SMOX: variants seen among roughly 807,000 people sequenced by gnomAD.
SMOX encodes the protein spermine oxidase.
In SMOX, 22 loss-of-function variants were observed where a neutral mutation model predicts 51.0. The ratio of observed to expected loss-of-function variants is 0.43; its 90% CI spans 0.31 to 0.62. The LOEUF (loss-of-function observed/expected upper bound fraction) is 0.62. Ranked by LOEUF, SMOX falls within the 20% of genes least tolerant of loss-of-function variation. The probability of loss-of-function intolerance (pLI) is 0.10; values close to 1 mark genes in which losing one functional copy is unlikely to be tolerated. For synonymous variants in SMOX, 282 were observed against 307.8 expected, an observed-to-expected ratio of 0.92 and a Z score of 0.88; for missense variants, 566 against 777.7, an observed-to-expected ratio of 0.73 and a Z score of 3.24.
At position 4,183,331 on chromosome 20, in the gene SMOX, C is replaced by A; in HGVS notation, c.1370-163C>A. ...GCGCTGAGTGGGTACACAGCTCGAG[C>A]CCCAGCCTCCCTCCTTCCTCTTCTA... On this transcript the variant is annotated intron_variant, in intron 5 of 6. Coordinates refer to ENST00000305958, the MANE Select transcript of SMOX (RefSeq NM_175839.3). This position sits in a 1 kb window ranked among gnomAD's most constrained non-coding sequence, Gnocchi z 4.3. 2 of 1,018,822 alleles carry A rather than the reference C, an allele frequency of 2.0e-6. No homozygotes were observed. Among genetic ancestry groups the A allele is most frequent in the Non-Finnish European group, 3.0e-6 (2 of 675,180 alleles). The allele number at this position is 1,018,822 out of a possible 1,614,324, so 63.1% of individuals were successfully genotyped here.
At chr20:4,155,422 G>GT (rs1449966911) in intron 1 of SMOX, among the ~76,000 whole-genome samples, 2 of 151,870 alleles carry the variant, frequency 1.3e-5, no homozygotes, top group Admixed American at 6.6e-5. Flanking sequence ...GAGTGGGGGG[G>GT]GCCTGGATGC....
intron 1 of SMOX, among the ~76,000 whole-genome samples, chr20:4,168,124 T>TGGGGGGGTGGGGGG (rs1986650263): frequency 7.3e-5 from 1 of 13,778 alleles, no homozygotes; most frequent in Non-Finnish European, 1.5e-4. Flanking sequence ...GGGGTAGGGG[T>TGGGGGGGTGGGGGG]GGGGGGGTGG....
At chr20:4,180,156 C>A (rs570720393) in intron 3 of SMOX, among the ~76,000 whole-genome samples, 1 of 152,310 alleles carries the variant, frequency 6.6e-6, no homozygotes, top group African/African-American at 2.4e-5. Flanking sequence ...GCTGAGGACT[C>A]CAGCTAAGGC....
chr20:4,162,680 A>T (rs1986390728), intron 1 of SMOX, among the ~76,000 whole-genome samples: 1 of 152,184 alleles, frequency 6.6e-6, no homozygotes, highest in South Asian at 2.1e-4. Flanking sequence ...GGGAGACAAA[A>T]CATACAAATA....
chr20:4,161,590 C>T (rs1986321973), intron 1 of SMOX, among the ~76,000 whole-genome samples: 1 of 152,212 alleles, frequency 6.6e-6, no homozygotes, highest in South Asian at 2.1e-4. Context: ...CCTCACCCCA[C>T]ATCCTGCCAT....
chr20:4,168,013 T>A (rs1234650249), intron 1 of SMOX, among the ~76,000 whole-genome samples: 1 of 150,046 alleles, frequency 6.7e-6, no homozygotes, highest in African/African-American at 2.5e-5. Flanking sequence ...AGAATCCAAA[T>A]CCCTCCCCAG....
chr20:4,152,963 T>G (rs1985836624), intron 1 of SMOX, among the ~76,000 whole-genome samples: 1 of 152,166 alleles, frequency 6.6e-6, no homozygotes, highest in Non-Finnish European at 1.5e-5. Context: ...TTGAAATCGG[T>G]CCACTCTGCC....
chr20:4,169,464 TAAAG>T (rs766847354), intron 1 of SMOX, among the ~76,000 whole-genome samples: 30 of 152,130 alleles, frequency 2.0e-4, no homozygotes, highest in Non-Finnish European at 4.4e-4. Flanking sequence ...GCTTCAATGT[TAAAG>T]AAAGGGCACT....
chr20:4,186,539 T>G (rs563428436), intron 6 of SMOX, among the ~76,000 whole-genome samples: 7 of 152,116 alleles, frequency 4.6e-5, no homozygotes, highest in Non-Finnish European at 1.0e-4. Context: ...CCCCCACCTT[T>G]CCCTCTGTCT....
chr20:4,159,850 C>T (rs144425618), intron 1 of SMOX, among the ~76,000 whole-genome samples: 43 of 152,288 alleles, frequency 2.8e-4, no homozygotes, highest in Non-Finnish European at 1.2e-4. Flanking sequence ...TTCCAGCCCT[C>T]GCGTGGGTGG....
intron 1 of SMOX, among the ~76,000 whole-genome samples, chr20:4,161,680 G>A (rs1009084293): frequency 6.6e-6 from 1 of 152,136 alleles, no homozygotes; most frequent in African/African-American, 2.4e-5. Context: ...CTTCCCTGAC[G>A]CCCCTGTGCA....
At position 4,166,833 on chromosome 20, in the gene SMOX, C is replaced by A. The variant is rs1374327351; in HGVS notation, c.-26-8197C>A. The stretch of plus-strand genomic sequence containing the variant: ...TGCAACACATGCCTGCCAAGGCCCC[C>A]TGGCTCCCTTCTTCTCATCTGAAAT... On this transcript the variant is annotated intron_variant, in intron 1 of 6. Coordinates refer to ENST00000305958, the MANE Select transcript of SMOX (RefSeq NM_175839.3). This position sits in a 1 kb window ranked among gnomAD's most constrained non-coding sequence, Gnocchi z 4.2. Among the ~76,000 whole-genome samples the A allele has an allele frequency of 2.0e-5, 3 of 152,244 alleles. No individual in the cohort carries two copies. Among genetic ancestry groups the A allele is most frequent in the African/African-American group, 4.8e-5 (2 of 41,464 alleles).
In SMOX at chr20:4,181,363, G is replaced by A. The variant is rs1979304918; in HGVS notation, c.436-440G>A. Among the ~76,000 whole-genome samples the A allele has an allele frequency of 6.6e-6, 1 of 152,228 alleles. No individual in the cohort carries two copies. Among genetic ancestry groups the A allele is most frequent in the Admixed American group, 6.5e-5 (1 of 15,286 alleles). On this transcript the variant is annotated intron_variant, in intron 3 of 6. Transcript: ENST00000305958. The surrounding 1 kb of genome is among the most constrained non-coding windows in gnomAD (Gnocchi z 5.6). Reference sequence around the variant, plus strand: ...ACAGCTCCAGACTGCCCTCTTGGGAGCGGGCAAAGCAGACACACTTGGGCA... The same window carrying A: ...ACAGCTCCAGACTGCCCTCTTGGGAACGGGCAAAGCAGACACACTTGGGCA...
At position 4,183,636 on chromosome 20, in the gene SMOX, A is replaced by C. The variant is rs1741327; in HGVS notation, c.1512A>C (p.Thr504=). ...AGCTGGCCAAGCCCCTGCCGTACAC[A>C]GAGAGCTCAAAGACAGCGGTAAGCG... ...VEKLAKPLPY[T]ESSKTAPMQV... is the part of the protein sequence containing the mutation. Residue 504 remains threonine, a synonymous_variant, in exon 6 of 7, where the codon ACA becomes ACC. Transcript: ENST00000305958. The surrounding 1 kb of genome is among the most constrained non-coding windows in gnomAD (Gnocchi z 4.3). 2 of 1,586,444 alleles carry C rather than the reference A, an allele frequency of 1.3e-6. No homozygotes were observed. The highest frequency in any genetic ancestry group is 1.7e-6 in the Non-Finnish European group (2 of 1,166,992).
chr20:4,183,410 TG>T lies in SMOX; in HGVS notation c.1370-78del. 1 of 1,599,784 alleles carries T rather than the reference TG, an allele frequency of 6.3e-7. No individual in the cohort carries two copies. Among genetic ancestry groups the T allele is most frequent in the South Asian group, 1.1e-5 (1 of 90,478 alleles). On this transcript the variant is annotated intron_variant, in intron 5 of 6. Transcript: ENST00000305958. The surrounding 1 kb of genome is among the most constrained non-coding windows in gnomAD (Gnocchi z 4.3). ...TCCTCCCGGAGCCCTGGAGGTGGGG[TG>T]GGGGGTTGTCCCTTTGGGGTCATCT... is the stretch of plus-strand genomic sequence containing the variant.
At chr20:4,159,192 A>T (rs1040482566) in intron 1 of SMOX, among the ~76,000 whole-genome samples, 1 of 152,024 alleles carries the variant, frequency 6.6e-6, no homozygotes, top group African/African-American at 2.4e-5. Flanking sequence ...GCTCACTGCA[A>T]CCTCTGCCCC....
intron 1 of SMOX, among the ~76,000 whole-genome samples, chr20:4,173,437 A>T (rs913747572): frequency 7.2e-5 from 11 of 152,120 alleles, no homozygotes; most frequent in South Asian, 2.1e-4. Context: ...CGTGGTATGG[A>T]TATGCTAGGT....
At position 4,175,275 on chromosome 20, in the gene SMOX, C is replaced by T. The variant is rs778017528; in HGVS notation, c.208+12C>T. Reference sequence around the variant, plus strand: ...GAGTGTGAAACTTGGTAAGTGCCACCCAGTCCAGCCCAGCCACCTCCCCAG... The same window carrying T: ...GAGTGTGAAACTTGGTAAGTGCCACTCAGTCCAGCCCAGCCACCTCCCCAG... On this transcript the variant is annotated intron_variant, in intron 2 of 6. Transcript: ENST00000305958. 1 of 1,611,226 alleles carries T rather than the reference C, an allele frequency of 6.2e-7. No individual in the cohort carries two copies. Among genetic ancestry groups the T allele is most frequent in the South Asian group, 1.1e-5 (1 of 90,758 alleles).
intron 2 of SMOX, among the ~76,000 whole-genome samples, chr20:4,175,532 C>G (rs964452699): frequency 6.6e-6 from 1 of 152,176 alleles, no homozygotes; most frequent in African/African-American, 2.4e-5. Flanking sequence ...CACCCAAGCT[C>G]TCTTGGTACT....
Sources: gnomAD v4.1 joint callset for allele counts (sites outside exome capture counted in the v4.1 genomes callset) on GRCh38, gnomAD v4.1.1 for gene constraint, Gnocchi (gnomAD v3.1) non-coding constraint, MANE v1.5 for transcripts, NCBI Gene and HGNC (gene_info 2026-07-23, HGNC 2026-07-21) for gene names.